Variants in PKHD1 observed in about 807,000 individuals in gnomAD.
PKHD1 encodes the protein PKHD1 ciliary IPT domain containing fibrocystin/polyductin.
A neutral mutation model predicts 412.0 loss-of-function variants in PKHD1; 291 were observed. The ratio of observed to expected loss-of-function variants is 0.71; its 90% confidence interval spans 0.64 to 0.78. PKHD1 has a LOEUF of 0.78. Among genes scored for constraint, PKHD1 ranks in the 30% least tolerant of loss-of-function variants. The probability of loss-of-function intolerance (pLI) is 0.00; values close to 1 mark genes in which losing one functional copy is unlikely to be tolerated. For missense variants in PKHD1, 4,825 were observed against 4,950.7 expected (o/e 0.97, Z 0.76); for synonymous variants, 1,777 against 1,821.5 (o/e 0.98, Z 0.62).
chr6:52,020,468 G>C (rs1326471103), intron 33 of PKHD1, among the ~76,000 whole-genome samples: 1 of 152,208 alleles, frequency 6.6e-6, no homozygotes, highest in Non-Finnish European at 1.5e-5. Flanking sequence ...ATTTCAGAGA[G>C]GGCTGAAAAG....
intron 43 of PKHD1, 127 bp downstream of exon 43, chr6:51,903,470 C>A: frequency 1.3e-6 from 1 of 786,974 alleles, no homozygotes; most frequent in Non-Finnish European, 2.2e-6. Context: ...ATGTGTGACC[C>A]AATTCTTCCA....
At chr6:52,049,982 G>T (rs189902802) in intron 22 of PKHD1, among the ~76,000 whole-genome samples, 175 bp downstream of exon 22, 1 of 152,308 alleles carries the variant, frequency 6.6e-6, no homozygotes, top group Admixed American at 6.5e-5. Context: ...CTGACAGTAG[G>T]CCCAGTAATT....
intron 55 of PKHD1, among the ~76,000 whole-genome samples, chr6:51,769,852 C>G (rs111855857): frequency 1.5e-3 from 224 of 151,412 alleles, no homozygotes; most frequent in African/African-American, 5.2e-3. Flanking sequence ...TGTTACTTCC[C>G]AGCTATTCTG....
In PKHD1 at chr6:51,881,075, C is replaced by CTTT. The variant is rs371470393; in HGVS notation, c.7350+2015_7350+2017dup. 2.3e-3 allele frequency among the ~76,000 whole-genome samples: 312 copies of CTTT among 134,018 alleles called. 3 individuals are homozygous for CTTT. Among genetic ancestry groups the CTTT allele is most frequent in the African/African-American group, 7.6e-3 (278 of 36,792 alleles). The allele number at this position is 134,018 out of a possible 152,430, so 87.9% of individuals were successfully genotyped here. A position where few individuals can be genotyped will look rare whatever the true frequency, so the allele number is the denominator to read the frequency against. ...GAGGTCAGGAACCCTCTTTTTCTTT[C>CTTT]TTTTTTTTTTTTTTTTTCTTTTTTT... is the stretch of plus-strand genomic sequence containing the variant. On this transcript the variant is annotated intron_variant, in intron 46 of 66. Coordinates refer to ENST00000371117, the MANE Select transcript of PKHD1 (RefSeq NM_138694.4).
chr6:51,829,522 A>AT (rs1767892433), intron 52 of PKHD1, among the ~76,000 whole-genome samples: 2 of 152,046 alleles, frequency 1.3e-5, no homozygotes, highest in Non-Finnish European at 2.9e-5. Context: ...GACAGAACAG[A>AT]TTTTTCCTTT....
intron 65 of PKHD1, among the ~76,000 whole-genome samples, chr6:51,628,503 G>T (rs1490428570): frequency 6.6e-6 from 1 of 152,126 alleles, no homozygotes; most frequent in East Asian, 1.9e-4. Flanking sequence ...TTGATTCCAT[G>T]TCTTTGCTAT....
At position 52,054,026 on chromosome 6, in the gene PKHD1, C is replaced by G. The variant is rs572664151; in HGVS notation, c.1964+12G>C. 2.5e-6 allele frequency: 4 copies of G among 1,613,812 alleles called. No individual in the cohort carries two copies. The highest frequency in any genetic ancestry group is 1.7e-5 in the Admixed American group (1 of 60,012). On this transcript the variant is annotated intron_variant, in intron 20 of 66. Coordinates refer to ENST00000371117, the MANE Select transcript of PKHD1 (RefSeq NM_138694.4). ...ACTGAATTCCCACCACGCCTCCCCA[C>G]CGATTAGCTACCTCTCGGGGCTGGT...
chr6:51,779,080 T>C (rs1791550413), intron 53 of PKHD1, among the ~76,000 whole-genome samples: 1 of 152,188 alleles, frequency 6.6e-6, no homozygotes, highest in Non-Finnish European at 1.5e-5. Flanking sequence ...CCTCAAGAAC[T>C]AGTAGGGGAC....
At chr6:51,740,656 A>G (rs1054750435) in intron 60 of PKHD1, among the ~76,000 whole-genome samples, 4 of 152,228 alleles carry the variant, frequency 2.6e-5, no homozygotes, top group African/African-American at 9.6e-5. Flanking sequence ...TGCTTTTTTC[A>G]TCCAACAGAC....
intron 60 of PKHD1, among the ~76,000 whole-genome samples, chr6:51,713,474 T>C (rs929557842): frequency 3.3e-5 from 5 of 152,182 alleles, no homozygotes; most frequent in African/African-American, 1.2e-4. Context: ...GGGTTGAGCA[T>C]AGGGCCTGGA....
chr6:51,903,899 C>G, intron 42 of PKHD1, 87 bp downstream of exon 42: 1 of 812,366 alleles, frequency 1.2e-6, no homozygotes. Context: ...CTTAAGAGAC[C>G]TAACATTTTG....
intron 60 of PKHD1, among the ~76,000 whole-genome samples, chr6:51,663,709 C>T (rs1337959514): frequency 1.3e-5 from 2 of 152,076 alleles, no homozygotes; most frequent in African/African-American, 2.4e-5. Flanking sequence ...CTCTATAGTA[C>T]AAATATATTT....
chr6:51,779,546 A>T (rs1329207334), intron 53 of PKHD1, among the ~76,000 whole-genome samples: 2 of 152,172 alleles, frequency 1.3e-5, no homozygotes, highest in Non-Finnish European at 2.9e-5. Context: ...AGTTTATTTG[A>T]AGATATTTTA....
intron 35 of PKHD1, among the ~76,000 whole-genome samples, chr6:51,989,370 T>G (rs1796595024): frequency 6.6e-6 from 1 of 152,190 alleles, no homozygotes. Flanking sequence ...GAAATACAAT[T>G]CTGTTGGTGC....
rs45627337 is a variant in PKHD1 at position 51,746,794 on chromosome 6, T to C, written c.9925A>G (p.Ile3309Val). ...AGCATCCTGGTCCTCTCTGCTGTTA[T>C]TGGGTGCATAATTCCACTGTTCTCT... ...NAENSGIMHP[I>V]TAERTRMLKI... The change falls in exon 59 of 67, where the codon ATA (isoleucine) becomes GTA (valine). Residue 3309 changes from isoleucine to valine, a missense_variant. Transcript: ENST00000371117. 3.3e-4 allele frequency: 533 copies of C among 1,611,568 alleles called. No individual in the cohort carries two copies. The highest frequency in any genetic ancestry group is 4.3e-4 in the Non-Finnish European group (503 of 1,177,814).
In PKHD1 at chr6:51,753,259, T is replaced by C. The variant is rs778134405; in HGVS notation, c.8892A>G (p.Ser2964=). The part of the protein sequence containing the change: ...TRNIQIQPDV[S]CRGRLFVGSF... Reference sequence around the variant, plus strand: ...ACCCCACAAACAGTCTCCCCCTACATGATACGTCAGGCTGAATTTGTATAT... The same window carrying C: ...ACCCCACAAACAGTCTCCCCCTACACGATACGTCAGGCTGAATTTGTATAT... The change falls in exon 57 of 67, where the codon TCA becomes TCG. Residue 2964 remains serine, a synonymous_variant. Coordinates refer to ENST00000371117, the MANE Select transcript of PKHD1 (RefSeq NM_138694.4). 3 of 1,613,832 alleles carry C rather than the reference T, an allele frequency of 1.9e-6. No homozygotes were observed. In the South Asian group the frequency reaches 3.3e-5, roughly 18 times the overall value.
chr6:51,943,980 GAAT>G (rs1789020977), intron 36 of PKHD1, among the ~76,000 whole-genome samples: 1 of 149,346 alleles, frequency 6.7e-6, no homozygotes, highest in Admixed American at 6.7e-5. Context: ...AAGAAGACAG[GAAT>G]GTCAGGCCTC....
chr6:52,021,864 T>C (rs999864708), intron 33 of PKHD1, among the ~76,000 whole-genome samples: 2 of 152,190 alleles, frequency 1.3e-5, no homozygotes, highest in Non-Finnish European at 2.9e-5. Flanking sequence ...CAAGCTCAGA[T>C]GATGTGGTGC....
intron 60 of PKHD1, among the ~76,000 whole-genome samples, chr6:51,666,637 G>C (rs1038731828): frequency 6.6e-6 from 1 of 151,402 alleles, no homozygotes; most frequent in African/African-American, 2.4e-5. Context: ...CTGGTGCGCT[G>C]CACCCACTAA....
Sources: gnomAD v4.1 joint callset for allele counts (sites outside exome capture counted in the v4.1 genomes callset) on GRCh38, gnomAD v4.1.1 for gene constraint, MANE v1.5 for transcripts, NCBI Gene and HGNC (gene_info 2026-07-23, HGNC 2026-07-21) for gene names.